Variants in SGMS1 observed in about 807,000 individuals in gnomAD.
SGMS1 encodes the protein sphingomyelin synthase 1.
Under a neutral mutation model 46.2 loss-of-function variants are expected in SGMS1, and 13 were observed. The ratio of observed to expected loss-of-function variants is 0.28; its 90% CI spans 0.18 to 0.45. The LOEUF (loss-of-function observed/expected upper bound fraction) is 0.45, where lower values mean the gene tolerates loss of function less well. Among genes scored for constraint, SGMS1 ranks in the 20% least tolerant of loss-of-function variants. SGMS1 has a pLI of 1.00. For missense variants in SGMS1, 324 were observed against 519.9 expected (o/e 0.62, Z 3.66); for synonymous variants, 203 against 187.8 (o/e 1.08, Z -0.66).
At chr10:50,597,091 C>T (rs1378873318) in intron 1 of SGMS1, among the ~76,000 whole-genome samples, 4 of 152,124 alleles carry the variant, frequency 2.6e-5, no homozygotes, top group South Asian at 2.1e-4. Flanking sequence ...GCATATGCTG[C>T]GGTAGGTGAG....
intron 2 of SGMS1, among the ~76,000 whole-genome samples, chr10:50,567,859 G>C (rs1838303543): frequency 6.6e-6 from 1 of 152,008 alleles, no homozygotes; most frequent in Non-Finnish European, 1.5e-5. Flanking sequence ...AACAATCCTT[G>C]GATTTCAGAC....
In SGMS1 at chr10:50,344,079, C is replaced by T; in HGVS notation, c.36G>A (p.Val12=). 3.1e-6 allele frequency: 5 copies of T among 1,613,734 alleles called. No homozygotes were observed. The highest frequency in any genetic ancestry group is 4.2e-6 in the Non-Finnish European group (5 of 1,179,848). ...TAGCATTCTCCAGCAGCCAGTCTGC[C>T]ACCTTCTTGGGTGACCAATAAACCA... ...KEVVYWSPKK[V]ADWLLENAMP... The change falls in exon 7 of 11, where the codon GTG becomes GTA. Residue 12 remains valine (V), a synonymous_variant. Transcript: ENST00000361781.
At chr10:50,553,657 A>C (rs974084138) in intron 2 of SGMS1, among the ~76,000 whole-genome samples, 16 of 152,304 alleles carry the variant, frequency 1.1e-4, no homozygotes, top group African/African-American at 3.8e-4. Context: ...TGCGTCTCTG[A>C]ACCACTGCTT....
intron 6 of SGMS1, among the ~76,000 whole-genome samples, chr10:50,417,118 A>G (rs1246746042): frequency 6.6e-6 from 1 of 152,100 alleles, no homozygotes; most frequent in East Asian, 1.9e-4. Flanking sequence ...TCTGATCATG[A>G]TAACTTCCCT....
intron 1 of SGMS1, among the ~76,000 whole-genome samples, chr10:50,607,394 G>A (rs1459316232): frequency 2.6e-5 from 4 of 152,148 alleles, no homozygotes; most frequent in African/African-American, 7.2e-5. Context: ...GTCAATTGTT[G>A]AAAACTGAGG....
At chr10:50,372,203 G>A (rs560052992) in intron 6 of SGMS1, among the ~76,000 whole-genome samples, 42 of 152,258 alleles carry the variant, frequency 2.8e-4, no homozygotes, top group African/African-American at 7.7e-4. Context: ...AACAAAAAGC[G>A]AATACTAGAG....
chr10:50,570,229 ATCTCAACGTCTTGGTC>A (rs961379193), intron 2 of SGMS1, among the ~76,000 whole-genome samples: 3 of 152,214 alleles, frequency 2.0e-5, no homozygotes, highest in African/African-American at 7.2e-5. Flanking sequence ...CACGACAAGC[ATCTCAACGTCTTGGTC>A]TCTCAATACC....
intron 2 of SGMS1, among the ~76,000 whole-genome samples, chr10:50,554,763 C>A (rs1289631690): frequency 6.6e-6 from 1 of 152,206 alleles, no homozygotes; most frequent in East Asian, 1.9e-4. Flanking sequence ...AAAGTCCTTC[C>A]CTTCTACTCC....
intron 3 of SGMS1, among the ~76,000 whole-genome samples, chr10:50,470,512 T>C (rs1464947359): frequency 6.6e-6 from 1 of 151,850 alleles, no homozygotes; most frequent in African/African-American, 2.4e-5. Flanking sequence ...GCATGGTCTC[T>C]AGCTTTGGTG....
chr10:50,494,605 A>G (rs918798651), intron 3 of SGMS1, among the ~76,000 whole-genome samples: 12 of 152,234 alleles, frequency 7.9e-5, no homozygotes, highest in Non-Finnish European at 1.3e-4. Context: ...AGAGGGGAAC[A>G]GCACACACTG....
At chr10:50,611,770 C>T (rs957382028) in intron 1 of SGMS1, among the ~76,000 whole-genome samples, 5 of 152,296 alleles carry the variant, frequency 3.3e-5, no homozygotes, top group African/African-American at 1.2e-4. Context: ...GCACCTTCAT[C>T]CCTGCCGCTG....
chr10:50,427,550 G>A (rs947879058), intron 6 of SGMS1, among the ~76,000 whole-genome samples: 1 of 152,198 alleles, frequency 6.6e-6, no homozygotes, highest in Non-Finnish European at 1.5e-5. Context: ...GTAAATACAA[G>A]CTAAGGAAGG....
At chr10:50,465,499 T>G (rs1364938783) in intron 4 of SGMS1, among the ~76,000 whole-genome samples, 3 of 152,104 alleles carry the variant, frequency 2.0e-5, no homozygotes, top group Non-Finnish European at 4.4e-5. Context: ...AAAATATCCA[T>G]AGACCCTCAA....
chr10:50,549,252 C>A (rs531250291), intron 2 of SGMS1, among the ~76,000 whole-genome samples: 2 of 152,288 alleles, frequency 1.3e-5, no homozygotes, highest in African/African-American at 4.8e-5. Flanking sequence ...CACGTACATT[C>A]ATTGCAGCAC....
chr10:50,504,107 T>C (rs758410330), intron 3 of SGMS1, among the ~76,000 whole-genome samples: 4 of 152,098 alleles, frequency 2.6e-5, no homozygotes, highest in Non-Finnish European at 5.9e-5. Context: ...TGTCTGAAAA[T>C]TGAGACACAG....
At chr10:50,554,119 A>T (rs954439664) in intron 2 of SGMS1, among the ~76,000 whole-genome samples, 1 of 152,188 alleles carries the variant, frequency 6.6e-6, no homozygotes, top group African/African-American at 2.4e-5. Flanking sequence ...ATGCCTAATT[A>T]AAAATATGGG....
chr10:50,451,851 ATCT>A (rs1300786932), intron 5 of SGMS1, among the ~76,000 whole-genome samples: 1 of 152,224 alleles, frequency 6.6e-6, no homozygotes, highest in African/African-American at 2.4e-5. Context: ...CATTAAAAAT[ATCT>A]TCTTGAGACT....
chr10:50,451,723 T>C (rs1837112114), intron 5 of SGMS1, among the ~76,000 whole-genome samples: 1 of 152,208 alleles, frequency 6.6e-6, no homozygotes. Flanking sequence ...GGCACACATA[T>C]GTGTTACATA....
At chr10:50,532,892 C>T (rs113919069) in intron 2 of SGMS1, among the ~76,000 whole-genome samples, 93 of 152,254 alleles carry the variant, frequency 6.1e-4, no homozygotes, top group African/African-American at 1.9e-3. Context: ...CTTCAATTCA[C>T]GTAAGCAATC....
Sources: allele counts gnomAD v4.1 joint callset (sites outside exome capture counted in the v4.1 genomes callset), GRCh38; gene constraint gnomAD v4.1.1; transcripts MANE v1.5; gene names NCBI Gene and HGNC (gene_info 2026-07-23, HGNC 2026-07-21).